TMEM117: variants seen among roughly 807,000 people sequenced by gnomAD.
TMEM117 encodes transmembrane protein 117.
A neutral mutation model predicts 52.4 loss-of-function variants in TMEM117; 27 were observed. The ratio of observed to expected loss-of-function variants is 0.51; its 90% confidence interval spans 0.38 to 0.71. The LOEUF (loss-of-function observed/expected upper bound fraction) is 0.71. Among genes scored for constraint, TMEM117 ranks in the 30% least tolerant of loss-of-function variants. TMEM117 has a pLI of 0.00. For missense variants in TMEM117, 556 were observed against 630.5 expected (o/e 0.88, Z 1.26); for synonymous variants, 215 against 206.3 (o/e 1.04, Z -0.36).
intron 4 of TMEM117, among the ~76,000 whole-genome samples, chr12:44,183,207 C>G (rs1425201428): frequency 6.6e-6 from 1 of 152,006 alleles, no homozygotes. Flanking sequence ...TATCTAATGA[C>G]TATATTTAGT....
chr12:43,874,064 A>T (rs1429354753), intron 2 of TMEM117, among the ~76,000 whole-genome samples: 2 of 151,598 alleles, frequency 1.3e-5, no homozygotes, highest in African/African-American at 4.8e-5. Flanking sequence ...TCATTTATTT[A>T]TTCTGTTCTA....
At chr12:44,086,915 T>A in intron 3 of TMEM117, among the ~76,000 whole-genome samples, 2 of 148,972 alleles carry the variant, frequency 1.3e-5, no homozygotes, top group Middle Eastern at 7.2e-3. Context: ...TTGTCATTAT[T>A]TACATTATTA....
At chr12:44,346,213 G>T (rs139453218) in intron 6 of TMEM117, among the ~76,000 whole-genome samples, 2,048 of 152,174 alleles carry the variant, frequency 0.013, 38 homozygotes, top group African/African-American at 0.047. Context: ...CTCTTGAAAT[G>T]ATTATTTTGA....
At chr12:44,137,462 T>C (rs947458198) in intron 3 of TMEM117, among the ~76,000 whole-genome samples, 1 of 152,104 alleles carries the variant, frequency 6.6e-6, no homozygotes, top group African/African-American at 2.4e-5. Flanking sequence ...GAGATGAGTC[T>C]AAAAATGAAG....
chr12:43,965,219 A>G (rs912765952), intron 3 of TMEM117, among the ~76,000 whole-genome samples: 1 of 152,232 alleles, frequency 6.6e-6, no homozygotes, highest in Non-Finnish European at 1.5e-5. Flanking sequence ...GGATGAGGTC[A>G]TAAAGGGACG....
At chr12:44,192,767 C>T (rs550270185) in intron 4 of TMEM117, among the ~76,000 whole-genome samples, 1 of 152,286 alleles carries the variant, frequency 6.6e-6, no homozygotes, top group Admixed American at 6.5e-5. Flanking sequence ...AATCTGCATC[C>T]TGGCTCTGCT....
chr12:44,320,078 A>G (rs1261739084), intron 6 of TMEM117, among the ~76,000 whole-genome samples: 1 of 152,210 alleles, frequency 6.6e-6, no homozygotes, highest in South Asian at 2.1e-4. Context: ...AACCAGCTCT[A>G]TCCACCTGGA....
rs1011740948 is a variant in TMEM117, at chr12:44,000,331, A to G, written c.410+55989A>G. On this transcript the variant is annotated intron_variant, in intron 3 of 7. Coordinates refer to ENST00000266534, the MANE Select transcript of TMEM117 (RefSeq NM_032256.3). ...GGATTTGAAAATAGATTCCTTTAGA[A>G]TTCTTCATGCCCACTATTCCCGGGG... 2.0e-5 allele frequency among the ~76,000 whole-genome samples: 3 copies of G among 152,286 alleles called. No individual in the cohort carries two copies. In the East Asian group the frequency reaches 5.8e-4, roughly 29 times the overall value.
intron 4 of TMEM117, among the ~76,000 whole-genome samples, chr12:44,170,395 T>C (rs11609527): frequency 6.6e-6 from 1 of 151,854 alleles, no homozygotes; most frequent in Admixed American, 6.6e-5. Flanking sequence ...TATACATATG[T>C]AACAAACCTG....
At chr12:44,049,065 TA>T (rs1049717481) in intron 3 of TMEM117, among the ~76,000 whole-genome samples, 1 of 152,172 alleles carries the variant, frequency 6.6e-6, no homozygotes, top group Non-Finnish European at 1.5e-5. Context: ...CATTACTGGG[TA>T]TATACCCAAA....
At chr12:43,865,847 G>T (rs1456749116) in intron 2 of TMEM117, among the ~76,000 whole-genome samples, 2 of 151,694 alleles carry the variant, frequency 1.3e-5, no homozygotes, top group Non-Finnish European at 2.9e-5. Flanking sequence ...AATTTGAAAT[G>T]ATTAGCCAAT....
At chr12:44,035,446 G>A (rs375848282) in intron 3 of TMEM117, among the ~76,000 whole-genome samples, 63 of 152,138 alleles carry the variant, frequency 4.1e-4, no homozygotes, top group African/African-American at 1.1e-3. Context: ...CTCAAAAAAC[G>A]TATGTTCTAG....
At chr12:44,171,086 G>A (rs1949039511) in intron 4 of TMEM117, among the ~76,000 whole-genome samples, 2 of 147,354 alleles carry the variant, frequency 1.4e-5, no homozygotes, top group Non-Finnish European at 3.0e-5. Context: ...CGGGATCTCA[G>A]CTCACTGCAA....
At chr12:43,989,013 A>C (rs1945894327) in intron 3 of TMEM117, among the ~76,000 whole-genome samples, 1 of 151,578 alleles carries the variant, frequency 6.6e-6, no homozygotes, top group African/African-American at 2.4e-5. Context: ...GGATTCAAAA[A>C]CCCTCCCTAT....
intron 2 of TMEM117, among the ~76,000 whole-genome samples, chr12:43,846,932 A>G (rs915657059): frequency 6.6e-5 from 10 of 152,234 alleles, no homozygotes; most frequent in Admixed American, 2.6e-4. Context: ...TTATATAAAT[A>G]TATAAGATGT....
intron 3 of TMEM117, among the ~76,000 whole-genome samples, chr12:44,078,110 A>G (rs1461293561): frequency 6.6e-6 from 1 of 152,218 alleles, no homozygotes; most frequent in Non-Finnish European, 1.5e-5. Context: ...AAAACTCAGA[A>G]AAAGTAAATG....
intron 5 of TMEM117, among the ~76,000 whole-genome samples, chr12:44,240,348 A>G (rs527538714): frequency 2.6e-5 from 4 of 152,230 alleles, no homozygotes; most frequent in East Asian, 1.9e-4. Flanking sequence ...GCCATTTCCC[A>G]AGAGTTGCAC....
chr12:43,900,798 A>C (rs1466238121), intron 2 of TMEM117, among the ~76,000 whole-genome samples: 1 of 152,126 alleles, frequency 6.6e-6, no homozygotes, highest in Admixed American at 6.6e-5. Context: ...ATGCATGTTA[A>C]GTATAGAACA....
chr12:44,107,698 A>G (rs943277927), intron 3 of TMEM117, among the ~76,000 whole-genome samples: 6 of 152,180 alleles, frequency 3.9e-5, no homozygotes, highest in Non-Finnish European at 5.9e-5. Flanking sequence ...ATGAATTTAC[A>G]TAATATTTAC....
Sources: gnomAD v4.1 joint callset for allele counts (sites outside exome capture counted in the v4.1 genomes callset) on GRCh38, gnomAD v4.1.1 for gene constraint, MANE v1.5 for transcripts, NCBI Gene and HGNC (gene_info 2026-07-23, HGNC 2026-07-21) for gene names.